The following SASH1 variants were observed in gnomAD, a reference collection of about 807,000 sequenced individuals.
The protein encoded by SASH1 is SAM and SH3 domain-containing protein 1.
A neutral mutation model predicts 125.2 loss-of-function variants in SASH1; 44 were observed. The ratio of observed to expected loss-of-function variants is 0.35; its 90% CI spans 0.28 to 0.45. SASH1 has a LOEUF of 0.45. Ranked by LOEUF, SASH1 falls within the 20% of genes least tolerant of loss-of-function variation. The pLI, the probability that SASH1 is intolerant of heterozygous loss-of-function variation, is 1.00. For synonymous variants in SASH1, 639 were observed against 649.1 expected, an observed-to-expected ratio of 0.98 and a Z score of 0.24; for missense variants, 1,426 against 1,614.5, an observed-to-expected ratio of 0.88 and a Z score of 2.00.
chr6:148,259,438 A>G, the SASH1 span, among the ~76,000 whole-genome samples: 1 of 151,854 alleles, frequency 6.6e-6, no homozygotes, highest in African/African-American at 2.4e-5. Context: ...AAATGCCCCC[A>G]CTCCCCTACC....
At chr6:148,478,502 A>G (rs1778468953) in intron 7 of SASH1, among the ~76,000 whole-genome samples, 1 of 152,176 alleles carries the variant, frequency 6.6e-6, no homozygotes, top group Non-Finnish European at 1.5e-5. Flanking sequence ...GGAGATAGAG[A>G]GTAGAATGAT....
chr6:148,355,048 C>T (rs1172282294), intron 1 of SASH1, among the ~76,000 whole-genome samples: 3 of 152,118 alleles, frequency 2.0e-5, no homozygotes, highest in East Asian at 1.9e-4. Context: ...CATGAGCCAC[C>T]GCACCCGGCC....
the SASH1 span, among the ~76,000 whole-genome samples, chr6:148,199,250 T>C: frequency 6.6e-6 from 1 of 151,898 alleles, no homozygotes; most frequent in South Asian, 2.1e-4. Context: ...AGTATGGTGG[T>C]GGGTGCCCAG....
chr6:148,523,904 C>T (rs555878109), intron 10 of SASH1, among the ~76,000 whole-genome samples: 147 of 151,942 alleles, frequency 9.7e-4, no homozygotes, highest in South Asian at 4.6e-3. Context: ...CCAGGCAGTG[C>T]GCTAGAAGGC....
chr6:148,199,778 G>A, the SASH1 span, among the ~76,000 whole-genome samples: 694 of 150,768 alleles, frequency 4.6e-3, 5 homozygotes, highest in Non-Finnish European at 6.9e-3. Context: ...AAAAAGAAAG[G>A]AAGGAAGGAA....
chr6:148,363,704 G>A (rs1166905617), intron 1 of SASH1, among the ~76,000 whole-genome samples: 1 of 151,926 alleles, frequency 6.6e-6, no homozygotes, highest in African/African-American at 2.4e-5. Flanking sequence ...CCGGCCGATT[G>A]AGGCTCTTCT....
chr6:148,199,565 G>A, the SASH1 span, among the ~76,000 whole-genome samples: 1 of 152,022 alleles, frequency 6.6e-6, no homozygotes, highest in South Asian at 2.1e-4. Flanking sequence ...AGATGTGATG[G>A]TGCACACCTG....
intron 1 of SASH1, among the ~76,000 whole-genome samples, chr6:148,334,288 C>A (rs1292005375): frequency 1.4e-5 from 2 of 147,292 alleles, no homozygotes; most frequent in Non-Finnish European, 3.0e-5. Flanking sequence ...ATTAGCCGGG[C>A]GTGATGGCGG....
Position 148,471,452 on chromosome 6 carries a change from TG to T in SASH1, c.465del (p.Trp155CysfsTer11). ...CTGGAAGAAGAAAAATAAGTATTTC[TG>T]GCAGAACTTCCGAAAGAACCAGAAA... ...GDWKKKNKYF[W>X]QNFRKNQKGI... is the part of the protein sequence containing the mutation. On this transcript the variant is annotated frameshift_variant, in exon 6 of 20. Coordinates refer to ENST00000367467, the MANE Select transcript of SASH1 (RefSeq NM_015278.5). LOFTEE classifies it high-confidence loss of function. 1 of 1,570,080 alleles carries T rather than the reference TG, an allele frequency of 6.4e-7. No individual in the cohort carries two copies. Among genetic ancestry groups the T allele is most frequent in the Non-Finnish European group, 8.7e-7 (1 of 1,149,184 alleles).
At chr6:148,465,274 G>A (rs1412024776) in intron 4 of SASH1, among the ~76,000 whole-genome samples, 1 of 152,024 alleles carries the variant, frequency 6.6e-6, no homozygotes, top group Non-Finnish European at 1.5e-5. Context: ...AGTCCTGGCC[G>A]GTCACGGTGG....
intron 2 of SASH1, among the ~76,000 whole-genome samples, chr6:148,410,874 AGGC>A (rs1252173437): frequency 6.6e-6 from 1 of 152,126 alleles, no homozygotes; most frequent in East Asian, 1.9e-4. Flanking sequence ...CAGACATAAA[AGGC>A]GGCCGGGCAC....
chr6:148,271,948 G>A (rs533461147), upstream of SASH1, among the ~76,000 whole-genome samples: 23 of 152,218 alleles, frequency 1.5e-4, no homozygotes, highest in African/African-American at 5.5e-4. Flanking sequence ...GGAGAAAGGG[G>A]CATTTGGATC....
At chr6:148,441,343 T>C (rs1776539837) in intron 4 of SASH1, among the ~76,000 whole-genome samples, 1 of 152,226 alleles carries the variant, frequency 6.6e-6, no homozygotes, top group Non-Finnish European at 1.5e-5. Flanking sequence ...GAGGGCTGCT[T>C]TGCCAGAAAG....
intron 9 of SASH1, among the ~76,000 whole-genome samples, chr6:148,518,375 G>GTTCT (rs1554268383): frequency 2.0e-5 from 3 of 152,122 alleles, no homozygotes; most frequent in African/African-American, 7.2e-5. Context: ...AATAGCAGCT[G>GTTCT]TTCTTTTTTG....
chr6:148,499,239 C>G (rs1779461098), intron 8 of SASH1, among the ~76,000 whole-genome samples: 1 of 151,966 alleles, frequency 6.6e-6, no homozygotes, highest in African/African-American at 2.4e-5. Context: ...ATCAAAATAT[C>G]CTTTTATTCT....
At chr6:148,298,699 AAGGAAGGAAGGAAGAAGGAAGGG>A (rs796208890) in intron 1 of SASH1, among the ~76,000 whole-genome samples, 89 of 85,268 alleles carry the variant, frequency 1.0e-3, no homozygotes, top group African/African-American at 3.9e-3. Flanking sequence ...GGAAGGAAGG[AAGGAAGGAAGGAAGAAGGAAGGG>A]AAAGGAGGGA....
chr6:148,424,251 G>T (rs555611939), intron 2 of SASH1, among the ~76,000 whole-genome samples: 19 of 151,102 alleles, frequency 1.3e-4, no homozygotes, highest in African/African-American at 4.6e-4. Context: ...TTTTGGGGGG[G>T]GGAGGTGGGA....
chr6:148,387,657 T>TTTCTTTCC (rs1783512234), intron 1 of SASH1, among the ~76,000 whole-genome samples: 1 of 100,734 alleles, frequency 9.9e-6, no homozygotes, highest in Non-Finnish European at 2.0e-5. Flanking sequence ...TCTTTCTTTC[T>TTTCTTTCC]TTCTTTCTTT....
chr6:148,366,079 C>T (rs1412213977), intron 1 of SASH1, among the ~76,000 whole-genome samples: 1 of 151,706 alleles, frequency 6.6e-6, no homozygotes, highest in African/African-American at 2.4e-5. Context: ...CACCACTGCA[C>T]TCCAGCCTGG....
Sources: allele counts gnomAD v4.1 joint callset (sites outside exome capture counted in the v4.1 genomes callset), GRCh38; gene constraint gnomAD v4.1.1; transcripts MANE v1.5; gene names NCBI Gene and HGNC (gene_info 2026-07-23, HGNC 2026-07-21).